Variants in C1QTNF3 observed in about 807,000 individuals in gnomAD.
C1QTNF3 encodes the protein C1q and TNF related 3.
C1QTNF3 carries 26 observed loss-of-function variants against 32.6 expected under a neutral mutation model. The ratio of observed to expected loss-of-function variants is 0.80; its 90% CI spans 0.58 to 1.11. The LOEUF (loss-of-function observed/expected upper bound fraction) is 1.11, where lower values mean the gene tolerates loss of function less well. Ranked by LOEUF, C1QTNF3 falls within the 50% of genes least tolerant of loss-of-function variation. C1QTNF3 has a pLI of 0.00. For missense variants in C1QTNF3, 362 were observed against 398.2 expected, an observed-to-expected ratio of 0.91 and a Z score of 0.77; for synonymous variants, 155 against 146.0, an observed-to-expected ratio of 1.06 and a Z score of -0.44.
the C1QTNF3 span, among the ~76,000 whole-genome samples, chr5:34,189,157 C>T: frequency 1.3e-5 from 2 of 150,384 alleles, no homozygotes; most frequent in African/African-American, 4.9e-5. Flanking sequence ...TCCACCCCGA[C>T]CTCCCAAAGT....
At chr5:34,214,031 G>A in the C1QTNF3 span, among the ~76,000 whole-genome samples, 2,040 of 149,270 alleles carry the variant, frequency 0.014, 29 homozygotes, top group Non-Finnish European at 0.022. Flanking sequence ...GGCTGGTCTC[G>A]AACTCCTGAC....
At chr5:34,210,682 T>A in the C1QTNF3 span, among the ~76,000 whole-genome samples, 1 of 152,086 alleles carries the variant, frequency 6.6e-6, no homozygotes, top group Non-Finnish European at 1.5e-5. Context: ...TTTTAATCAA[T>A]TGTATACTTC....
At chr5:34,065,154 C>T in the C1QTNF3 span, among the ~76,000 whole-genome samples, 1 of 152,102 alleles carries the variant, frequency 6.6e-6, no homozygotes, top group African/African-American at 2.4e-5. Flanking sequence ...CAACGAAGGA[C>T]TAATATCTAG....
chr5:34,095,132 T>C, the C1QTNF3 span, among the ~76,000 whole-genome samples: 1 of 152,014 alleles, frequency 6.6e-6, no homozygotes, highest in East Asian at 1.9e-4. Context: ...CTGCATATAA[T>C]GCATTTTTGT....
chr5:34,054,453 C>T, the C1QTNF3 span, among the ~76,000 whole-genome samples: 3 of 152,204 alleles, frequency 2.0e-5, no homozygotes, highest in African/African-American at 4.8e-5. Context: ...ATCTTTGTCT[C>T]ATCTACTCAG....
chr5:34,066,801 T>G, the C1QTNF3 span, among the ~76,000 whole-genome samples: 1 of 152,206 alleles, frequency 6.6e-6, no homozygotes, highest in East Asian at 1.9e-4. Flanking sequence ...ATTTGGCTCT[T>G]TCTTACTTAT....
the C1QTNF3 span, among the ~76,000 whole-genome samples, chr5:34,177,436 C>T: frequency 6.6e-6 from 1 of 151,850 alleles, no homozygotes; most frequent in Non-Finnish European, 1.5e-5. Flanking sequence ...CCTACCTCAG[C>T]CTCCCAAGTA....
At chr5:34,116,338 G>T in the C1QTNF3 span, among the ~76,000 whole-genome samples, 3 of 152,118 alleles carry the variant, frequency 2.0e-5, no homozygotes, top group Non-Finnish European at 2.9e-5. Context: ...CCTATAGATA[G>T]ATGTGTGTTA....
chr5:34,145,955 A>G, the C1QTNF3 span, among the ~76,000 whole-genome samples: 1 of 152,184 alleles, frequency 6.6e-6, no homozygotes, highest in Non-Finnish European at 1.5e-5. Context: ...AAACTCCAAC[A>G]GCCCTCCATG....
chr5:34,229,819 G>A, the C1QTNF3 span, among the ~76,000 whole-genome samples: 1 of 152,170 alleles, frequency 6.6e-6, no homozygotes, highest in African/African-American at 2.4e-5. Flanking sequence ...CAGTGTGATA[G>A]TATCTGGAGA....
intron 4 of C1QTNF3, among the ~76,000 whole-genome samples, chr5:34,024,615 C>A (rs1057406028): frequency 2.0e-5 from 3 of 152,128 alleles, no homozygotes; most frequent in East Asian, 1.9e-4. Flanking sequence ...AGCAACAGGA[C>A]CTTGTCACTA....
chr5:34,212,562 AAAAC>A, the C1QTNF3 span, among the ~76,000 whole-genome samples: 45 of 152,162 alleles, frequency 3.0e-4, no homozygotes, highest in Middle Eastern at 3.4e-3. Flanking sequence ...TTACAAGAAA[AAAAC>A]AAACAACCCC....
chr5:34,095,177 AAATTT>A, the C1QTNF3 span, among the ~76,000 whole-genome samples: 5 of 151,926 alleles, frequency 3.3e-5, no homozygotes, highest in African/African-American at 4.8e-5. Flanking sequence ...ATCAAACATT[AAATTT>A]ATTATTTCTA....
chr5:34,113,704 C>G, the C1QTNF3 span, among the ~76,000 whole-genome samples: 1 of 151,990 alleles, frequency 6.6e-6, no homozygotes, highest in Non-Finnish European at 1.5e-5. Context: ...AAACATATAT[C>G]CATATAGCAA....
chr5:34,162,585 A>C, the C1QTNF3 span, among the ~76,000 whole-genome samples: 1 of 152,124 alleles, frequency 6.6e-6, no homozygotes, highest in Non-Finnish European at 1.5e-5. Flanking sequence ...AAATGTATAG[A>C]ATCTTGAATT....
At chr5:34,216,629 G>A in the C1QTNF3 span, among the ~76,000 whole-genome samples, 1 of 152,136 alleles carries the variant, frequency 6.6e-6, no homozygotes, top group African/African-American at 2.4e-5. Context: ...AATCTCTAGA[G>A]GAGGTCCGTC....
the C1QTNF3 span, among the ~76,000 whole-genome samples, chr5:34,235,645 A>G: frequency 6.8e-6 from 1 of 147,986 alleles, no homozygotes; most frequent in East Asian, 2.0e-4. Context: ...CATTTCCCAC[A>G]CTCTTTCCTA....
chr5:34,112,742 C>A, the C1QTNF3 span, among the ~76,000 whole-genome samples: 1 of 152,166 alleles, frequency 6.6e-6, no homozygotes, highest in Non-Finnish European at 1.5e-5. Context: ...ATCCTTTCCG[C>A]TGAGCTTAGC....
At chr5:34,198,259 T>TAAATATAAATAA in the C1QTNF3 span, among the ~76,000 whole-genome samples, 1 of 130,758 alleles carries the variant, frequency 7.6e-6, no homozygotes, top group African/African-American at 3.9e-5. Context: ...AATAAATAAA[T>TAAATATAAATAA]AAATAAAAAT....
Sources: gnomAD v4.1 joint callset for allele counts (sites outside exome capture counted in the v4.1 genomes callset) on GRCh38, gnomAD v4.1.1 for gene constraint, MANE v1.5 for transcripts, NCBI Gene and HGNC (gene_info 2026-07-23, HGNC 2026-07-21) for gene names.